Variants in FNBP1L observed in about 807,000 individuals in gnomAD.
FNBP1L encodes formin binding protein 1 like, also known as formin-binding protein 1-like.
A neutral mutation model predicts 91.2 loss-of-function variants in FNBP1L; 36 were observed. The observed-to-expected ratio is 0.39, with a 90% CI of 0.30 to 0.52. The LOEUF is 0.52. FNBP1L is among the 20% of genes least tolerant of loss of function. The probability of loss-of-function intolerance (pLI) is 0.66; values close to 1 mark genes in which losing one functional copy is unlikely to be tolerated. For missense variants in FNBP1L, 571 were observed against 732.1 expected (o/e 0.78, Z 2.54); for synonymous variants, 242 against 237.0 (o/e 1.02, Z -0.19).
In FNBP1L at chr1:93,482,961, T is replaced by C. The variant is rs546913772; in HGVS notation, c.25-16507T>C. 3.6e-3 allele frequency among the ~76,000 whole-genome samples: 528 copies of C among 147,908 alleles called. 2 individuals carry two copies. The highest frequency in any genetic ancestry group is 6.6e-3 in the Admixed American group (96 of 14,472). Reference sequence around the variant, plus strand: ...TGAACCCAGGAGGCGGAGCTTGCAGTGAGCCGAGATCGTGCCACTGCAGTC... The same window carrying C: ...TGAACCCAGGAGGCGGAGCTTGCAGCGAGCCGAGATCGTGCCACTGCAGTC... On this transcript the variant is annotated intron_variant, in intron 1 of 16. Coordinates refer to ENST00000271234, the MANE Select transcript of FNBP1L (RefSeq NM_001164473.3).
Position 93,448,324 on chromosome 1 carries a change from C to A in FNBP1L, c.24+19C>A. On this transcript the variant is annotated intron_variant, in intron 1 of 16. Transcript: ENST00000271234. The stretch of plus-strand genomic sequence containing the variant: ...GCTGTGGGTGAGTCGGGGAGAGGGG[C>A]GCCCCGCACGGACCCCGGCCCCTGA... 2 of 1,502,014 alleles carry A rather than the reference C, an allele frequency of 1.3e-6. No individual in the cohort carries two copies. Among genetic ancestry groups the A allele is most frequent in the Non-Finnish European group, 1.8e-6 (2 of 1,127,518 alleles). 93.0% of individuals were successfully genotyped at this position (1,502,014 alleles called of 1,614,324 possible).
rs55649797 is a variant in FNBP1L, at chr1:93,540,844, C to CT, written c.1150-181dup. Among the ~76,000 whole-genome samples the CT allele has an allele frequency of 4.7e-3, 578 of 122,874 alleles. 8 individuals are homozygous for CT. In the East Asian group the frequency reaches 0.06, roughly 13 times the overall value. 80.6% of individuals were successfully genotyped at this position (122,874 alleles called of 152,430 possible). A position where few individuals can be genotyped will look rare whatever the true frequency, so the allele number is the denominator to read the frequency against. ...ATCTGCCCATTATCATCAATGTATG[C>CT]TTTTTTTTTTTTTTTTTGCAAGTAA... On this transcript the variant is annotated intron_variant, in intron 10 of 16. Transcript: ENST00000271234.
intron 5 of FNBP1L, among the ~76,000 whole-genome samples, chr1:93,525,184 G>A (rs192785202): frequency 9.2e-5 from 14 of 152,050 alleles, no homozygotes; most frequent in African/African-American, 2.4e-4. Context: ...TGGACACTGC[G>A]TATTCCTTGA....
At position 93,552,484 on chromosome 1, in the gene FNBP1L, A is replaced by G. The variant is rs374301271; in HGVS notation, c.*68A>G. The G allele has an allele frequency of 8.2e-6, 13 of 1,580,556 alleles. No individual in the cohort carries two copies. Among genetic ancestry groups the G allele is most frequent in the East Asian group, 4.5e-5 (2 of 44,358 alleles). On this transcript the variant is annotated 3_prime_UTR_variant, in exon 17 of 17. Transcript: ENST00000271234. ...CATGCAGCTGCTTTTGGGGGAGGGT[A>G]TTAGAGTTGTCAGGCTCAAAGAGAG... is the stretch of plus-strand genomic sequence containing the variant.
At position 93,534,719 on chromosome 1, in the gene FNBP1L, G is replaced by T; in HGVS notation, c.801G>T (p.Val267=). Residue 267 remains valine, a synonymous_variant, in exon 9 of 17, where the codon GTG becomes GTT. Coordinates refer to ENST00000271234, the MANE Select transcript of FNBP1L (RefSeq NM_001164473.3). ...SVDERRDSQM[V]VDSFKSGFEP... ...CTTTTGTATAGGACTCTCAAATGGT[G>T]GTAGACTCCTTCAAATCTGGTTTTG... 1 of 1,565,790 alleles carries T rather than the reference G, an allele frequency of 6.4e-7. No individual in the cohort carries two copies. Among genetic ancestry groups the T allele is most frequent in the Non-Finnish European group, 8.7e-7 (1 of 1,152,790 alleles).
At chr1:93,513,949 G>C (rs1421376589) in intron 2 of FNBP1L, among the ~76,000 whole-genome samples, 1 of 152,062 alleles carries the variant, frequency 6.6e-6, no homozygotes, top group Admixed American at 6.5e-5. Flanking sequence ...GAAATAAAGG[G>C]TATTCAATTA....
intron 1 of FNBP1L, among the ~76,000 whole-genome samples, chr1:93,477,347 C>T (rs973075772): frequency 6.6e-6 from 1 of 152,182 alleles, no homozygotes; most frequent in Non-Finnish European, 1.5e-5. Context: ...TGCTGTCTTA[C>T]TGTACAGTGT....
chr1:93,517,937 CTAA>C (rs780613313), intron 2 of FNBP1L, among the ~76,000 whole-genome samples: 18 of 152,254 alleles, frequency 1.2e-4, no homozygotes, highest in South Asian at 1.0e-3. Context: ...TAAAGTCAGG[CTAA>C]TAATATCTGC....
chr1:93,528,309 G>GA (rs57137958), intron 5 of FNBP1L, among the ~76,000 whole-genome samples: 4,348 of 152,158 alleles, frequency 0.029, 212 homozygotes, highest in African/African-American at 0.099. Context: ...CCTCCAGGGA[G>GA]AAAAAACCCC....
intron 2 of FNBP1L, among the ~76,000 whole-genome samples, chr1:93,518,849 C>T (rs1671222494): frequency 6.6e-6 from 1 of 152,148 alleles, no homozygotes; most frequent in Non-Finnish European, 1.5e-5. Context: ...AAACCCTGTA[C>T]CCATTAGCAG....
chr1:93,515,214 C>G lies in FNBP1L; in HGVS notation c.141-6868C>G, dbSNP rs953450117. 1.2e-4 allele frequency among the ~76,000 whole-genome samples: 18 copies of G among 152,136 alleles called. No homozygotes were observed. In the East Asian group the frequency reaches 1.5e-3, roughly 13 times the overall value. On this transcript the variant is annotated intron_variant, in intron 2 of 16. Transcript: ENST00000271234. ...GAAATGCAAATCAAAACCACAATGA[C>G]ATACCATCTCACACCAGTTAGAATG...
At chr1:93,533,857 C>A (rs912954804) in intron 8 of FNBP1L, among the ~76,000 whole-genome samples, 1 of 152,118 alleles carries the variant, frequency 6.6e-6, no homozygotes, top group Admixed American at 6.5e-5. Flanking sequence ...TACCCTTTAG[C>A]AAATTATTGC....
intron 1 of FNBP1L, among the ~76,000 whole-genome samples, chr1:93,467,375 A>G (rs947629299): frequency 2.0e-5 from 3 of 152,242 alleles, no homozygotes; most frequent in African/African-American, 7.2e-5. Context: ...AAGTGAAACA[A>G]ACAGGTCAGA....
chr1:93,521,537 A>G (rs1671328601), intron 2 of FNBP1L, among the ~76,000 whole-genome samples: 1 of 152,200 alleles, frequency 6.6e-6, no homozygotes, highest in Non-Finnish European at 1.5e-5. Flanking sequence ...TCAGTCCCTC[A>G]TATAAAATAG....
At chr1:93,529,896 C>T (rs1671619765) in intron 6 of FNBP1L, 140 bp downstream of exon 6, 1 of 565,536 alleles carries the variant, frequency 1.8e-6, no homozygotes, top group Non-Finnish European at 3.1e-6. Flanking sequence ...CAAATATTTG[C>T]CAACTTTAAA....
intron 11 of FNBP1L, among the ~76,000 whole-genome samples, chr1:93,542,422 T>C (rs1435509836): frequency 6.8e-6 from 1 of 147,372 alleles, no homozygotes; most frequent in African/African-American, 2.5e-5. Flanking sequence ...TTGATATCCT[T>C]GTTTCTGGTG....
Position 93,552,179 on chromosome 1 carries a change from G to C in FNBP1L, c.1811-230G>C, listed in dbSNP as rs901520979. ...ACACTGTGCAGTCAAGGATTGTGCA[G>C]TGCTGGTTGTGTGACCACACCCTGA... On this transcript the variant is annotated intron_variant, in intron 16 of 16. Transcript: ENST00000271234. 6.8e-6 allele frequency: 9 copies of C among 1,330,170 alleles called. No homozygotes were observed. In the Admixed American group the frequency reaches 1.4e-4, roughly 21 times the overall value. 82.4% of individuals were successfully genotyped at this position (1,330,170 alleles called of 1,614,324 possible). A position where few individuals can be genotyped will look rare whatever the true frequency, so the allele number is the denominator to read the frequency against.
intron 2 of FNBP1L, among the ~76,000 whole-genome samples, chr1:93,500,728 A>T (rs1670417135): frequency 1.3e-5 from 2 of 152,050 alleles, no homozygotes; most frequent in African/African-American, 4.8e-5. Flanking sequence ...TGCCTCATAT[A>T]TCCACATAAT....
At chr1:93,507,101 ACACACACTCTCTCTCTCTCTCTCT>A (rs1557798024) in intron 2 of FNBP1L, among the ~76,000 whole-genome samples, 110 of 56,646 alleles carry the variant, frequency 1.9e-3, no homozygotes, top group Middle Eastern at 0.017. Context: ...ACACACACAC[ACACACACTCTCTCTCTCTCTCTCT>A]CTCTCTCTCT....
Sources: allele counts gnomAD v4.1 joint callset (sites outside exome capture counted in the v4.1 genomes callset), GRCh38; gene constraint gnomAD v4.1.1; transcripts MANE v1.5; gene names NCBI Gene and HGNC (gene_info 2026-07-23, HGNC 2026-07-21).